CCDC134: variants seen among roughly 807,000 people sequenced by gnomAD.
The protein encoded by CCDC134 is coiled-coil domain containing 134, also known as coiled-coil domain-containing protein 134.
In CCDC134, 27 loss-of-function variants were observed where a neutral mutation model predicts 25.6. The ratio of observed to expected loss-of-function variants is 1.05; its 90% CI spans 0.78 to 1.45. The LOEUF (loss-of-function observed/expected upper bound fraction) is 1.45, where lower values mean the gene tolerates loss of function less well. Among genes scored for constraint, CCDC134 ranks in the 40% most tolerant of loss-of-function variants. The pLI, the probability that CCDC134 is intolerant of heterozygous loss-of-function variation, is 0.00. For synonymous variants in CCDC134, 110 were observed against 115.0 expected, an observed-to-expected ratio of 0.96 and a Z score of 0.28; for missense variants, 261 against 286.7, an observed-to-expected ratio of 0.91 and a Z score of 0.65.
intron 6 of CCDC134, among the ~76,000 whole-genome samples, chr22:41,821,760 G>A (rs549159464): frequency 1.9e-4 from 29 of 152,226 alleles, no homozygotes; most frequent in African/African-American, 6.7e-4. Flanking sequence ...TTGTAGTGCT[G>A]GGGGAAGGCT....
chr22:41,827,489 G>T lies in CCDC134; in HGVS notation c.*1666G>T, dbSNP rs1306151686. Among the ~76,000 whole-genome samples, 1 of 152,148 alleles carries T rather than the reference G, an allele frequency of 6.6e-6. No individual in the cohort carries two copies. The highest frequency in any genetic ancestry group is 1.9e-4 in the East Asian group (1 of 5,200). On this transcript the variant is annotated 3_prime_UTR_variant, in exon 7 of 7. Transcript: ENST00000255784. The stretch of plus-strand genomic sequence containing the variant: ...AAAATGCACAAAGCAAGGAAGGAAT[G>T]AAGGGTTTTACTGAGAATGAAAGTA...
chr22:41,817,185 A>G (rs2076626644), intron 6 of CCDC134, among the ~76,000 whole-genome samples: 1 of 152,202 alleles, frequency 6.6e-6, no homozygotes, highest in Non-Finnish European at 1.5e-5. Context: ...CCAGAGACTC[A>G]GGTAGTTGAA....
intron 6 of CCDC134, among the ~76,000 whole-genome samples, chr22:41,823,770 GACAT>G (rs1486458003): frequency 6.6e-6 from 1 of 152,204 alleles, no homozygotes; most frequent in Non-Finnish European, 1.5e-5. Flanking sequence ...AGACAGTGTA[GACAT>G]ACCAGTGAAC....
rs2076700094 is a variant in CCDC134, at chr22:41,830,424, G to A, written c.*4601G>A. On this transcript the variant is annotated 3_prime_UTR_variant, in exon 7 of 7. Coordinates refer to ENST00000255784, the MANE Select transcript of CCDC134 (RefSeq NM_024821.5). ...TTCTGGGTTGTGGGGGGTGCCCTGG[G>A]CCAGAGTGAGTTGTATGGGAGTTGT... is the stretch of plus-strand genomic sequence containing the variant. Among the ~76,000 whole-genome samples the A allele has an allele frequency of 6.6e-6, 1 of 152,200 alleles. No homozygotes were observed. Among genetic ancestry groups the A allele is most frequent in the Non-Finnish European group, 1.5e-5 (1 of 68,042 alleles).
chr22:41,822,027 C>T (rs1248187163), intron 6 of CCDC134, among the ~76,000 whole-genome samples: 2 of 151,980 alleles, frequency 1.3e-5, no homozygotes, highest in South Asian at 2.1e-4. Context: ...GCCGGCAGCA[C>T]GGAGGGCCTG....
chr22:41,810,399 T>C, intron 4 of CCDC134, 108 bp downstream of exon 4: 1 of 999,654 alleles, frequency 1.0e-6, no homozygotes, highest in Non-Finnish European at 1.5e-6. Context: ...AGTGCCCTCT[T>C]GTGGCACCTT....
intron 1 of CCDC134, among the ~76,000 whole-genome samples, chr22:41,808,591 G>A (rs1020694333): frequency 6.6e-6 from 1 of 152,202 alleles, no homozygotes; most frequent in Non-Finnish European, 1.5e-5. Context: ...AGAGACGGGC[G>A]GGGGCAGGGC....
chr22:41,817,437 G>GTGAGGGGTAGGTA (rs2076627997), intron 6 of CCDC134, among the ~76,000 whole-genome samples: 1 of 152,086 alleles, frequency 6.6e-6, no homozygotes, highest in Non-Finnish European at 1.5e-5. Context: ...CTAAAGAGGG[G>GTGAGGGGTAGGTA]TGAGGGGTAG....
intron 1 of CCDC134, among the ~76,000 whole-genome samples, chr22:41,807,831 G>C (rs1413717817): frequency 6.6e-6 from 1 of 152,088 alleles, no homozygotes; most frequent in Non-Finnish European, 1.5e-5. Context: ...GACCAGCCTG[G>C]GCAATATAGC....
At position 41,828,789 on chromosome 22, in the gene CCDC134, G is replaced by A. The variant is rs1037626638; in HGVS notation, c.*2966G>A. On this transcript the variant is annotated 3_prime_UTR_variant, in exon 7 of 7. Transcript: ENST00000255784. ...CCACTGTGGGAGTCGTGCTGGTGGC[G>A]GTAGTGGTCACAGGTACCAGGGGCA... Among the ~76,000 whole-genome samples, 10 of 152,126 alleles carry A rather than the reference G, an allele frequency of 6.6e-5. No homozygotes were observed. Among genetic ancestry groups the A allele is most frequent in the Admixed American group, 1.3e-4 (2 of 15,266 alleles).
chr22:41,806,469 C>G (rs1388404571), intron 1 of CCDC134, among the ~76,000 whole-genome samples: 1 of 151,872 alleles, frequency 6.6e-6, no homozygotes, highest in Non-Finnish European at 1.5e-5. Flanking sequence ...ATCCGCCCAC[C>G]TCGGCCTCCC....
Position 41,829,685 on chromosome 22 carries a change from T to C in CCDC134, c.*3862T>C, listed in dbSNP as rs946184934. 6.6e-6 allele frequency among the ~76,000 whole-genome samples: 1 copy of C among 152,238 alleles called. No homozygotes were observed. The highest frequency in any genetic ancestry group is 1.5e-5 in the Non-Finnish European group (1 of 68,036). On this transcript the variant is annotated 3_prime_UTR_variant, in exon 7 of 7. Transcript: ENST00000255784. The stretch of plus-strand genomic sequence containing the variant: ...ATGAAAAACCATATACAAAATTATC[T>C]TCTGTGACCCGTAGCACATGCCCAA...
chr22:41,807,077 C>A (rs888520150), intron 1 of CCDC134, among the ~76,000 whole-genome samples: 1 of 151,996 alleles, frequency 6.6e-6, no homozygotes, highest in African/African-American at 2.4e-5. Context: ...AAAACTAGTG[C>A]CTTCAACTGG....
rs1188162709 is a variant in CCDC134 at position 41,830,319 on chromosome 22, G to T, written c.*4496G>T. Among the ~76,000 whole-genome samples the T allele has an allele frequency of 2.0e-5, 3 of 152,218 alleles. No homozygotes were observed. Among genetic ancestry groups the T allele is most frequent in the African/African-American group, 4.8e-5 (2 of 41,440 alleles). On this transcript the variant is annotated 3_prime_UTR_variant, in exon 7 of 7. Transcript: ENST00000255784. ...GTACCCCTTCAGTCCACTTGGCGAG[G>T]CATCACGCCCTCTGGGCAGGCTCAG...
chr22:41,810,175 G>A (rs754835798), intron 3 of CCDC134, 32 bp from the exon 4 acceptor site: 58 of 1,610,494 alleles, frequency 3.6e-5, no homozygotes, highest in African/African-American at 4.0e-5. Flanking sequence ...TGGGCACTGC[G>A]AAGCCACTCA....
chr22:41,813,106 G>T (rs1206105602), intron 4 of CCDC134, among the ~76,000 whole-genome samples, 158 bp from the exon 5 acceptor site: 1 of 152,108 alleles, frequency 6.6e-6, no homozygotes, highest in African/African-American at 2.4e-5. Context: ...GCCCTAGTTC[G>T]CACTGTACAT....
chr22:41,824,005 A>T (rs979028355), intron 6 of CCDC134, among the ~76,000 whole-genome samples: 1 of 152,198 alleles, frequency 6.6e-6, no homozygotes. Context: ...TGGCTTGCTC[A>T]TTCATTGAAA....
At chr22:41,808,460 C>G (rs941740355) in intron 1 of CCDC134, among the ~76,000 whole-genome samples, 1 of 152,086 alleles carries the variant, frequency 6.6e-6, no homozygotes, top group Non-Finnish European at 1.5e-5. Context: ...AGCCCCTCCT[C>G]CCCAGGCACA....
chr22:41,813,710 C>A, intron 5 of CCDC134, 41 bp from the exon 6 acceptor site: 1 of 1,585,046 alleles, frequency 6.3e-7, no homozygotes, highest in South Asian at 1.1e-5. Context: ...GAGCAGGACT[C>A]AGGAGAAGGC....
Sources: gnomAD v4.1 joint callset for allele counts (sites outside exome capture counted in the v4.1 genomes callset) on GRCh38, gnomAD v4.1.1 for gene constraint, MANE v1.5 for transcripts, NCBI Gene and HGNC (gene_info 2026-07-23, HGNC 2026-07-21) for gene names.